Variants in TMEM132C observed in about 807,000 individuals in gnomAD.
TMEM132C encodes protein phosphatase 1, regulatory subunit 152.
A neutral mutation model predicts 61.4 loss-of-function variants in TMEM132C; 29 were observed. The ratio of observed to expected loss-of-function variants is 0.47; its 90% CI spans 0.35 to 0.64. The LOEUF (loss-of-function observed/expected upper bound fraction) is 0.64, where lower values mean the gene tolerates loss of function less well. TMEM132C is among the 30% of genes least tolerant of loss of function. The probability of loss-of-function intolerance (pLI) is 0.00; values close to 1 mark genes in which losing one functional copy is unlikely to be tolerated. For synonymous variants in TMEM132C, 656 were observed against 633.1 expected (o/e 1.04, Z -0.54); for missense variants, 1,408 against 1,476.9 (o/e 0.95, Z 0.76).
intron 1 of TMEM132C, among the ~76,000 whole-genome samples, chr12:128,282,559 G>A (rs1870931719): frequency 6.6e-6 from 1 of 152,178 alleles, no homozygotes; most frequent in Admixed American, 6.5e-5. Context: ...TCATGATCCA[G>A]TCACCTCCCA....
chr12:128,592,013 C>A (rs1481882339), intron 3 of TMEM132C, among the ~76,000 whole-genome samples: 1 of 141,794 alleles, frequency 7.1e-6, no homozygotes, highest in Non-Finnish European at 1.5e-5. Flanking sequence ...GATTGTGTCA[C>A]TGCACTCCAA....
chr12:128,503,261 C>T (rs922716910), intron 2 of TMEM132C, among the ~76,000 whole-genome samples: 3 of 152,190 alleles, frequency 2.0e-5, no homozygotes, highest in Admixed American at 6.5e-5. Flanking sequence ...GTTCATCTGA[C>T]GAAAGCTTGA....
chr12:128,367,456 A>T (rs1193760090), intron 1 of TMEM132C, among the ~76,000 whole-genome samples: 1 of 152,208 alleles, frequency 6.6e-6, no homozygotes, highest in East Asian at 1.9e-4. Context: ...TCCACCCCAG[A>T]GGGTTGGAAA....
chr12:128,330,758 T>G (rs1872647071), intron 1 of TMEM132C, among the ~76,000 whole-genome samples: 1 of 152,232 alleles, frequency 6.6e-6, no homozygotes, highest in African/African-American at 2.4e-5. Flanking sequence ...AGAAAAATTC[T>G]AGTTTTAACC....
At chr12:128,438,997 A>C (rs1029939549) in intron 2 of TMEM132C, 19 of 152,216 alleles carry the variant, frequency 1.2e-4, no homozygotes, top group African/African-American at 4.1e-4. Context: ...GGCAAGGTCA[A>C]GATACCCTGC....
intron 2 of TMEM132C, among the ~76,000 whole-genome samples, chr12:128,504,138 G>A (rs1872273396): frequency 6.6e-6 from 1 of 152,104 alleles, no homozygotes; most frequent in Admixed American, 6.5e-5. Context: ...GTGGTCTCAG[G>A]ACAGCCCCAA....
rs192943770 is a variant in TMEM132C at position 128,518,152 on chromosome 12, G to A, written c.975-25805G>A. 1.4e-4 allele frequency among the ~76,000 whole-genome samples: 22 copies of A among 152,316 alleles called. No homozygotes were observed. The East Asian group carries it at 2.5e-3, about 17-fold the overall frequency. On this transcript the variant is annotated intron_variant, in intron 2 of 8. Coordinates refer to ENST00000435159, the MANE Select transcript of TMEM132C (RefSeq NM_001136103.3). ...TGAAGGCTCTAGGGCTCGGCCCTGC[G>A]CTTTCTGGGCCCTGGTGGATAAAGC...
chr12:128,678,161 G>C (rs1435586937), intron 5 of TMEM132C, among the ~76,000 whole-genome samples: 8 of 152,156 alleles, frequency 5.3e-5, no homozygotes, highest in Non-Finnish European at 5.9e-5. Context: ...TTTTCTATTT[G>C]TTCTTGTCAT....
intron 1 of TMEM132C, among the ~76,000 whole-genome samples, chr12:128,356,691 G>A (rs980839806): frequency 2.0e-5 from 3 of 152,198 alleles, no homozygotes; most frequent in East Asian, 3.9e-4. Flanking sequence ...TGACCAACCC[G>A]TACTTCTAGA....
chr12:128,684,588 G>A (rs1009465951), intron 5 of TMEM132C, among the ~76,000 whole-genome samples: 6 of 152,226 alleles, frequency 3.9e-5, no homozygotes, highest in African/African-American at 1.4e-4. Flanking sequence ...AGCCGAGAAC[G>A]ACGGGAGATG....
chr12:128,443,499 T>C (rs1869868358), intron 2 of TMEM132C, among the ~76,000 whole-genome samples: 1 of 152,232 alleles, frequency 6.6e-6, no homozygotes, highest in African/African-American at 2.4e-5. Flanking sequence ...GCATTTATGA[T>C]ACTATTCTTC....
intron 2 of TMEM132C, among the ~76,000 whole-genome samples, chr12:128,528,053 T>C (rs750480327): frequency 9.9e-5 from 15 of 152,212 alleles, no homozygotes; most frequent in African/African-American, 1.9e-4. Flanking sequence ...CTGGCAATAT[T>C]AATGAGAAAT....
intron 3 of TMEM132C, among the ~76,000 whole-genome samples, chr12:128,564,119 A>G (rs1354293657): frequency 1.3e-5 from 2 of 152,174 alleles, no homozygotes; most frequent in African/African-American, 4.8e-5. Context: ...TGCGCCTCAC[A>G]TGGCAGAGAG....
At chr12:128,615,829 C>T (rs1876781980) in intron 3 of TMEM132C, among the ~76,000 whole-genome samples, 1 of 152,230 alleles carries the variant, frequency 6.6e-6, no homozygotes, top group Admixed American at 6.5e-5. Context: ...CATTCAGGTG[C>T]ATACTGCAGG....
At chr12:128,509,921 T>A (rs750278961) in intron 2 of TMEM132C, among the ~76,000 whole-genome samples, 5 of 152,226 alleles carry the variant, frequency 3.3e-5, no homozygotes, top group Non-Finnish European at 7.3e-5. Context: ...TAAATGCTAA[T>A]CCTACAGACT....
Position 128,314,384 on chromosome 12 carries a change from A to C in TMEM132C, c.85+46897A>C, listed in dbSNP as rs562058104. Among the ~76,000 whole-genome samples the C allele has an allele frequency of 2.0e-5, 3 of 152,300 alleles. No individual in the cohort carries two copies. In the East Asian group the frequency reaches 5.8e-4, roughly 29 times the overall value. ...TCGAGGCTGTTCAAAATTGCAGTTG[A>C]ATGTGTCATTGACAGAAAGCTCCCA... On this transcript the variant is annotated intron_variant, in intron 1 of 8. Coordinates refer to ENST00000435159, the MANE Select transcript of TMEM132C (RefSeq NM_001136103.3).
chr12:128,374,646 C>G (rs1169757620), intron 1 of TMEM132C, among the ~76,000 whole-genome samples: 1 of 152,036 alleles, frequency 6.6e-6, no homozygotes, highest in Non-Finnish European at 1.5e-5. Context: ...CAGTCCCTGT[C>G]CTCCTGGCCA....
intron 4 of TMEM132C, among the ~76,000 whole-genome samples, chr12:128,646,279 A>C (rs1954197346): frequency 7.3e-6 from 1 of 136,394 alleles, no homozygotes; most frequent in Non-Finnish European, 1.6e-5. Context: ...ATCAACTTTC[A>C]ATATGAGTGT....
At chr12:128,602,356 G>A (rs751622579) in intron 3 of TMEM132C, among the ~76,000 whole-genome samples, 3 of 152,212 alleles carry the variant, frequency 2.0e-5, no homozygotes, top group Admixed American at 6.5e-5. Context: ...CATTCTATCT[G>A]GTGGCAGAAA....
Sources: allele counts gnomAD v4.1 joint callset (sites outside exome capture counted in the v4.1 genomes callset), GRCh38; gene constraint gnomAD v4.1.1; transcripts MANE v1.5; gene names NCBI Gene and HGNC (gene_info 2026-07-23, HGNC 2026-07-21).